Variants in CBX7 observed in about 807,000 individuals in gnomAD.
The protein encoded by CBX7 is chromobox 7.
CBX7 carries 14 observed loss-of-function variants against 31.4 expected under a neutral mutation model. The observed-to-expected ratio is 0.45, with a 90% CI of 0.29 to 0.70. The LOEUF (loss-of-function observed/expected upper bound fraction) is 0.70. Ranked by LOEUF, CBX7 falls within the 30% of genes least tolerant of loss-of-function variation. The pLI, the probability that CBX7 is intolerant of heterozygous loss-of-function variation, is 0.11. For synonymous variants in CBX7, 159 were observed against 152.6 expected (o/e 1.04, Z -0.31); for missense variants, 269 against 351.9 (o/e 0.76, Z 1.89).
intron 4 of CBX7, chr22:39,136,513 G>A (rs67693995): frequency 0.079 from 11,993 of 152,408 alleles, 589 homozygotes; most frequent in African/African-American, 0.13. Flanking sequence ...TCCACATGGT[G>A]AGGACCAGTC....
intron 2 of CBX7, among the ~76,000 whole-genome samples, chr22:39,142,853 C>A (rs1930508546): frequency 6.6e-6 from 1 of 152,166 alleles, no homozygotes; most frequent in Non-Finnish European, 1.5e-5. Flanking sequence ...TGAAAAATTC[C>A]TGTCATCTAG....
At chr22:39,138,285 A>T (rs1274124834) in intron 4 of CBX7, among the ~76,000 whole-genome samples, 1 of 152,046 alleles carries the variant, frequency 6.6e-6, no homozygotes, top group Non-Finnish European at 1.5e-5. Context: ...TCTCAGTGAT[A>T]ATTTTGTGTT....
chr22:39,141,799 G>C (rs867161196), intron 2 of CBX7, among the ~76,000 whole-genome samples: 21 of 151,434 alleles, frequency 1.4e-4, no homozygotes, highest in African/African-American at 5.1e-4. Context: ...TGCACCAGCA[G>C]AGGCCACTGC....
In CBX7 at chr22:39,145,049, G is replaced by A. The variant is rs554372840; in HGVS notation, c.114-3613C>T. ...TGGGACCCCCGACTGTGCAGCCCGCGGGAGGGGGCGTCGCCCCCTCTCCAG... is the reference window on the plus strand; with the variant it reads ...TGGGACCCCCGACTGTGCAGCCCGCAGGAGGGGGCGTCGCCCCCTCTCCAG... On this transcript the variant is annotated intron_variant, in intron 2 of 5. Transcript: ENST00000216133. 4.6e-5 allele frequency among the ~76,000 whole-genome samples: 7 copies of A among 152,260 alleles called. No homozygotes were observed. The South Asian group carries it at 1.4e-3, about 32-fold the overall frequency.
intron 4 of CBX7, among the ~76,000 whole-genome samples, chr22:39,137,742 G>T (rs1930303962): frequency 6.6e-6 from 1 of 152,122 alleles, no homozygotes; most frequent in Admixed American, 6.5e-5. Context: ...GGTCAGGAAA[G>T]GCCCCCAAGA....
In CBX7 at chr22:39,151,944, G is replaced by C. The variant is rs564097809; in HGVS notation, c.69+432C>G. The stretch of plus-strand genomic sequence containing the variant: ...CCAGCAGGAAAAACTTCAGAGGCCG[G>C]AGGAGACTTTTCCAAAGCTCCACTT... On this transcript the variant is annotated intron_variant, in intron 1 of 5. Coordinates refer to ENST00000216133, the MANE Select transcript of CBX7 (RefSeq NM_175709.5). Among the ~76,000 whole-genome samples, 3 of 152,228 alleles carry C rather than the reference G, an allele frequency of 2.0e-5. No individual in the cohort carries two copies. In the East Asian group the frequency reaches 5.8e-4, roughly 29 times the overall value.
At chr22:39,141,010 G>A (rs1601560590) in intron 3 of CBX7, 1 of 250,714 alleles carries the variant, frequency 4.0e-6, no homozygotes, top group Non-Finnish European at 7.9e-6. Context: ...TAGCACACAG[G>A]GCATCTTTGT....
At position 39,134,038 on chromosome 22, in the gene CBX7, G is replaced by A; in HGVS notation, c.609C>T (p.Asp203=). ...AQPPEEEADA[D]LAEGPPPWTP... ...TCCAGGGAGGGGGCCCCTCGGCCAG[G>A]TCGGCATCTGCTGCAGCGTCAGACA... The change falls in exon 6 of 6, where the codon GAC becomes GAT. Residue 203 remains aspartate (D), a synonymous_variant. Transcript: ENST00000216133. 1 of 1,600,844 alleles carries A rather than the reference G, an allele frequency of 6.2e-7. No homozygotes were observed. Among genetic ancestry groups the A allele is most frequent in the Non-Finnish European group, 8.5e-7 (1 of 1,171,808 alleles).
At chr22:39,140,699 G>A (rs1341182034) in intron 3 of CBX7, among the ~76,000 whole-genome samples, 1 of 151,600 alleles carries the variant, frequency 6.6e-6, no homozygotes, top group Admixed American at 6.6e-5. Flanking sequence ...CAGGCGGGCT[G>A]GGAGAGGCAG....
rs370683851 is a variant in CBX7, at chr22:39,134,596, G to C, written c.403C>G (p.Leu135Val). Residue 135 changes from leucine (L) to valine (V), a missense_variant, in exon 5 of 6, where the codon CTG (leucine) becomes GTG (valine). Physicochemically the swap from Leu to Val is conservative, Grantham distance 32 (BLOSUM62 1). Transcript: ENST00000216133. ...CGGGGCTTGCGGAGCGGGAAGGGCAGGGTGGGCACCAAGGGGCCCTTGTCC... is the reference window on the plus strand; with the variant it reads ...CGGGGCTTGCGGAGCGGGAAGGGCACGGTGGGCACCAAGGGGCCCTTGTCC... ...LVDKGPLVPT[L>V]PFPLRKPRKA... is the part of the protein sequence containing the mutation. 3 of 1,592,710 alleles carry C rather than the reference G, an allele frequency of 1.9e-6. No individual in the cohort carries two copies. The highest frequency in any genetic ancestry group is 1.7e-6 in the Non-Finnish European group (2 of 1,169,924).
Position 39,152,490 on chromosome 22 carries a change from C to A in CBX7, c.-46G>T, listed in dbSNP as rs1177081804. 10 of 891,598 alleles carry A rather than the reference C, an allele frequency of 1.1e-5. No homozygotes were observed. The highest frequency in any genetic ancestry group is 1.4e-5 in the Non-Finnish European group (10 of 739,788). The allele number at this position is 891,598 out of a possible 1,614,324, so 55.2% of individuals were successfully genotyped here. On this transcript the variant is annotated 5_prime_UTR_variant, in exon 1 of 6. Coordinates refer to ENST00000216133, the MANE Select transcript of CBX7 (RefSeq NM_175709.5). The surrounding 1 kb of genome is among the most constrained non-coding windows in gnomAD (Gnocchi z 4.9). ...GCCCGGGGCCGGGCCGGGCCGGGGGCGGAGCTGCGGGGCCGCGGCTGCGGC... is the reference window on the plus strand; with the variant it reads ...GCCCGGGGCCGGGCCGGGCCGGGGGAGGAGCTGCGGGGCCGCGGCTGCGGC...
chr22:39,145,918 G>C (rs1177288296), intron 2 of CBX7, among the ~76,000 whole-genome samples: 1 of 152,100 alleles, frequency 6.6e-6, no homozygotes, highest in Non-Finnish European at 1.5e-5. Flanking sequence ...ACCCCCGCCG[G>C]CCTTTCCCGG....
At chr22:39,139,442 C>A (rs1006901710) in intron 3 of CBX7, among the ~76,000 whole-genome samples, 13 of 152,128 alleles carry the variant, frequency 8.5e-5, no homozygotes, top group African/African-American at 3.1e-4. Context: ...GTGGCTCACG[C>A]CCGTAATCCC....
At chr22:39,138,006 C>T (rs1259662431) in intron 4 of CBX7, among the ~76,000 whole-genome samples, 2 of 151,992 alleles carry the variant, frequency 1.3e-5, no homozygotes, top group East Asian at 1.9e-4. Flanking sequence ...ACGGTGAAAC[C>T]CCGTCTCTGC....
intron 3 of CBX7, among the ~76,000 whole-genome samples, chr22:39,140,868 T>A (rs1414390868): frequency 1.3e-5 from 2 of 151,938 alleles, no homozygotes; most frequent in East Asian, 3.9e-4. Context: ...AACTCAGAAA[T>A]CCCAGCCCCA....
In CBX7 at chr22:39,152,349, C is replaced by T. The variant is rs1930890625; in HGVS notation, c.69+27G>A. The T allele has an allele frequency of 7.3e-7, 1 of 1,370,438 alleles. No homozygotes were observed. Among genetic ancestry groups the T allele is most frequent in the Non-Finnish European group, 9.5e-7 (1 of 1,053,724 alleles). 84.9% of individuals were successfully genotyped at this position (1,370,438 alleles called of 1,614,324 possible). ...GGACGGGAGGGACCCCACTGGGGTC[C>T]TGGGAGCCGCCCCCGGGCAGCCTCA... On this transcript the variant is annotated intron_variant, in intron 1 of 5. Coordinates refer to ENST00000216133, the MANE Select transcript of CBX7 (RefSeq NM_175709.5). The surrounding 1 kb of genome is among the most constrained non-coding windows in gnomAD (Gnocchi z 4.9).
chr22:39,147,582 G>GA (rs2146370077), intron 2 of CBX7: 1 of 150,506 alleles, frequency 6.6e-6, no homozygotes, highest in Non-Finnish European at 1.5e-5. Flanking sequence ...CCGAGGAGGG[G>GA]AAGACAGAGC....
In CBX7 at chr22:39,134,040, C is replaced by G. The variant is rs1303748384; in HGVS notation, c.607G>C (p.Asp203His). Reference protein sequence around the residue: ...AQPPEEEADADLAEGPPPWTP... With the variant: ...AQPPEEEADAHLAEGPPPWTP... ...CAGGGAGGGGGCCCCTCGGCCAGGT[C>G]GGCATCTGCTGCAGCGTCAGACACA... Residue 203 changes from aspartate (D) to histidine (H), a missense_variant, in exon 6 of 6, where the codon GAC becomes CAC. Coordinates refer to ENST00000216133, the MANE Select transcript of CBX7 (RefSeq NM_175709.5). 1.3e-6 allele frequency: 2 copies of G among 1,599,852 alleles called. No individual in the cohort carries two copies. The highest frequency in any genetic ancestry group is 8.5e-7 in the Non-Finnish European group (1 of 1,171,188).
At position 39,131,181 on chromosome 22, in the gene CBX7, C is replaced by G. The variant is rs1930022829; in HGVS notation, c.*2710G>C. ...GAGGTCATCACCCGAACAGCAGTGA[C>G]AGTCCTGCATTCCAGGCGGCTGTGC... On this transcript the variant is annotated 3_prime_UTR_variant, in exon 6 of 6. Coordinates refer to ENST00000216133, the MANE Select transcript of CBX7 (RefSeq NM_175709.5). The G allele has an allele frequency of 6.6e-6, 1 of 152,314 alleles. No individual in the cohort carries two copies. Among genetic ancestry groups the G allele is most frequent in the Non-Finnish European group, 1.5e-5 (1 of 67,888 alleles). The allele number at this position is 152,314 out of a possible 1,614,324, so 9.4% of individuals were successfully genotyped here.
Sources: allele counts gnomAD v4.1 joint callset (sites outside exome capture counted in the v4.1 genomes callset), GRCh38; gene constraint gnomAD v4.1.1; non-coding constraint Gnocchi (gnomAD v3.1); transcripts MANE v1.5; gene names NCBI Gene and HGNC (gene_info 2026-07-23, HGNC 2026-07-21).